Variants in NDUFAF6 observed in about 807,000 individuals in gnomAD.
NDUFAF6 encodes NADH:ubiquinone oxidoreductase complex assembly factor 6, also known as NADH dehydrogenase (ubiquinone) complex I, assembly factor 6.
Under a neutral mutation model 40.8 loss-of-function variants are expected in NDUFAF6, and 45 were observed. That is an observed-to-expected ratio of 1.10 (90% confidence interval 0.87 to 1.42). The LOEUF (loss-of-function observed/expected upper bound fraction) is 1.42. Ranked by LOEUF, NDUFAF6 falls within the 40% of genes most tolerant of loss-of-function variation. NDUFAF6 has a pLI of 0.00. For missense variants in NDUFAF6, 435 were observed against 418.5 expected (o/e 1.04, Z -0.34); for synonymous variants, 185 against 155.9 (o/e 1.19, Z -1.39).
chr8:94,963,194 G>GGTT (rs1823743071), intron 1 of NDUFAF6, among the ~76,000 whole-genome samples: 1 of 152,192 alleles, frequency 6.6e-6, no homozygotes, highest in African/African-American at 2.4e-5. Flanking sequence ...TATTGATACA[G>GGTT]AGAAAAAGAA....
chr8:95,082,200 G>A (rs1470548034), intron 2 of NDUFAF6, among the ~76,000 whole-genome samples: 1 of 152,120 alleles, frequency 6.6e-6, no homozygotes, highest in African/African-American at 2.4e-5. Context: ...AATTAGGCTG[G>A]GTGCGGTGGC....
upstream of NDUFAF6, among the ~76,000 whole-genome samples, chr8:94,954,149 G>GT (rs534532170): frequency 6.6e-6 from 1 of 151,880 alleles, no homozygotes. Context: ...TACAACCTCC[G>GT]CCCCCCGGGT....
intron 4 of NDUFAF6, among the ~76,000 whole-genome samples, chr8:95,114,140 A>C (rs1483356857): frequency 3.7e-5 from 5 of 134,352 alleles, no homozygotes; most frequent in Admixed American, 1.6e-4. Flanking sequence ...CATGTACCCT[A>C]AAACTTAAAG....
In NDUFAF6 at chr8:95,025,132, T is replaced by C. The variant is rs1376233289; in HGVS notation, c.124T>C (p.Ser42Pro). ...GCGGCGGCTGCCCGGGCCGGAGGTG[T>C]CTGGGCGGAGCGTGGCTGCGGCCAG... is the stretch of plus-strand genomic sequence containing the variant. Reference protein sequence around the residue: ...RMRRLPGPEVSGRSVAAASGP... With the variant: ...RMRRLPGPEVPGRSVAAASGP... The change falls in exon 1 of 9, where the codon TCT (serine) becomes CCT (proline). Residue 42 changes from serine (S) to proline (P), a missense_variant. Ser to Pro is a moderately conservative substitution (Grantham distance 74). Transcript: ENST00000396124. 2 of 1,485,088 alleles carry C rather than the reference T, an allele frequency of 1.3e-6. No individual in the cohort carries two copies. Among genetic ancestry groups the C allele is most frequent in the South Asian group, 2.6e-5 (2 of 78,182 alleles). The allele number at this position is 1,485,088 out of a possible 1,614,324, so 92.0% of individuals were successfully genotyped here.
chr8:95,093,300 C>T (rs900317846), intron 2 of NDUFAF6, among the ~76,000 whole-genome samples: 2 of 152,166 alleles, frequency 1.3e-5, no homozygotes, highest in Admixed American at 1.3e-4. Context: ...GAGAAAGAAA[C>T]TTCTTATCTG....
intron 4 of NDUFAF6, among the ~76,000 whole-genome samples, chr8:95,042,248 C>T (rs746657644): frequency 6.6e-6 from 1 of 152,166 alleles, no homozygotes; most frequent in Non-Finnish European, 1.5e-5. Flanking sequence ...GTGACCTGGC[C>T]TAACATGTGT....
chr8:95,086,740 C>G (rs1014993342), intron 2 of NDUFAF6, among the ~76,000 whole-genome samples: 16 of 152,030 alleles, frequency 1.1e-4, no homozygotes, highest in Admixed American at 2.6e-4. Flanking sequence ...TAGCTGGGAC[C>G]ACAGGCGCCC....
chr8:94,937,503 C>T (rs1821101850), intron 1 of NDUFAF6, among the ~76,000 whole-genome samples: 1 of 151,854 alleles, frequency 6.6e-6, no homozygotes, highest in African/African-American at 2.4e-5. Flanking sequence ...TGGCTGTCCC[C>T]ACAAGATTTT....
chr8:95,104,650 A>G (rs1387366527), downstream of NDUFAF6, among the ~76,000 whole-genome samples: 1 of 152,210 alleles, frequency 6.6e-6, no homozygotes, highest in Non-Finnish European at 1.5e-5. Context: ...TAAAAGAGTC[A>G]TGCTTCCTAA....
At chr8:94,961,395 A>C (rs1488255184) in intron 1 of NDUFAF6, among the ~76,000 whole-genome samples, 1 of 152,248 alleles carries the variant, frequency 6.6e-6, no homozygotes, top group Admixed American at 6.5e-5. Context: ...ACAACAATTC[A>C]GAGAATGAAG....
chr8:95,091,560 CA>C (rs1285542929), intron 2 of NDUFAF6, among the ~76,000 whole-genome samples: 1 of 151,680 alleles, frequency 6.6e-6, no homozygotes, highest in Non-Finnish European at 1.5e-5. Context: ...GAAGCTCTTC[CA>C]AAAAAACCTT....
chr8:95,088,831 G>A (rs1809150162), intron 2 of NDUFAF6, among the ~76,000 whole-genome samples: 1 of 151,852 alleles, frequency 6.6e-6, no homozygotes, highest in Non-Finnish European at 1.5e-5. Flanking sequence ...CGCCATCTCG[G>A]CTCACTGCAA....
chr8:95,109,621 C>A (rs1809940075), intron 4 of NDUFAF6, among the ~76,000 whole-genome samples: 1 of 148,984 alleles, frequency 6.7e-6, no homozygotes, highest in Admixed American at 6.7e-5. Flanking sequence ...GAGAGAGAGA[C>A]CTTCATGATG....
intron 1 of NDUFAF6, chr8:94,939,710 T>C (rs1382111109): frequency 8.7e-7 from 1 of 1,146,750 alleles, no homozygotes; most frequent in East Asian, 2.5e-5. Flanking sequence ...CAAGTTATCT[T>C]ACGGACCATC....
intron 1 of NDUFAF6, among the ~76,000 whole-genome samples, chr8:94,903,865 C>T (rs1052475142): frequency 2.6e-5 from 4 of 152,134 alleles, no homozygotes; most frequent in African/African-American, 7.2e-5. Context: ...GTAATTGATG[C>T]TAGGCTGAAC....
chr8:94,930,983 T>A (rs1017327493), intron 1 of NDUFAF6, among the ~76,000 whole-genome samples: 1 of 152,220 alleles, frequency 6.6e-6, no homozygotes, highest in South Asian at 2.1e-4. Context: ...TTTCTAAAAA[T>A]ACACTTTAAA....
chr8:94,958,053 G>A (rs1284950562), exon 1 of NDUFAF6: 1 of 152,576 alleles, frequency 6.6e-6, no homozygotes, highest in Non-Finnish European at 1.5e-5. Context: ...CAGGAGTCCA[G>A]CACAACAGAT....
chr8:94,935,255 C>T (rs1423950066), intron 1 of NDUFAF6, among the ~76,000 whole-genome samples: 1 of 152,150 alleles, frequency 6.6e-6, no homozygotes, highest in Non-Finnish European at 1.5e-5. Flanking sequence ...CTCCAAGGAT[C>T]CAAATCCACC....
At chr8:94,935,099 G>A (rs1241936241) in intron 1 of NDUFAF6, among the ~76,000 whole-genome samples, 2 of 149,380 alleles carry the variant, frequency 1.3e-5, no homozygotes, top group East Asian at 2.0e-4. Flanking sequence ...CGGTAGGTAG[G>A]TAGGTAGGTA....
Sources: allele counts gnomAD v4.1 joint callset (sites outside exome capture counted in the v4.1 genomes callset), GRCh38; gene constraint gnomAD v4.1.1; transcripts MANE v1.5; gene names NCBI Gene and HGNC (gene_info 2026-07-23, HGNC 2026-07-21).